LAMA2: variants seen among roughly 807,000 people sequenced by gnomAD.
LAMA2 encodes laminin subunit alpha 2, also known as laminin subunit alpha-2.
Under a neutral mutation model 364.8 loss-of-function variants are expected in LAMA2, and 269 were observed. That is an observed-to-expected ratio of 0.74 (90% confidence interval 0.67 to 0.82). The LOEUF is 0.82. LAMA2 is among the 40% of genes least tolerant of loss of function. LAMA2 has a pLI of 0.00. For missense variants in LAMA2, 3,807 were observed against 3,873.2 expected (o/e 0.98, Z 0.45); for synonymous variants, 1,379 against 1,370.6 (o/e 1.01, Z -0.14).
At chr6:129,285,907 T>A (rs926258845) in intron 18 of LAMA2, among the ~76,000 whole-genome samples, 4 of 152,126 alleles carry the variant, frequency 2.6e-5, no homozygotes, top group Admixed American at 6.6e-5. Flanking sequence ...ATAAAATCTT[T>A]TGTGAATATA....
At chr6:129,451,724 T>C (rs1430070459) in intron 45 of LAMA2, among the ~76,000 whole-genome samples, 1 of 152,214 alleles carries the variant, frequency 6.6e-6, no homozygotes, top group African/African-American at 2.4e-5. Context: ...CCTTCTCTTT[T>C]GAATCCAACC....
Position 129,144,039 on chromosome 6 carries a change from C to G in LAMA2, c.778C>G (p.His260Asp). The G allele has an allele frequency of 6.2e-7, 1 of 1,612,546 alleles. No homozygotes were observed. The highest frequency in any genetic ancestry group is 8.5e-7 in the Non-Finnish European group (1 of 1,179,006). ...TLNADLMMFAHKDPREIDPIV... is the reference protein window; with the variant it reads ...TLNADLMMFADKDPREIDPIV... ...GAATGCTGACTTGATGATGTTTGCTCACAAAGACCCAAGAGAAATTGACCC... is the reference window on the plus strand; with the variant it reads ...GAATGCTGACTTGATGATGTTTGCTGACAAAGACCCAAGAGAAATTGACCC... Residue 260 changes from histidine (H) to aspartate (D), a missense_variant, in exon 5 of 65, where the codon CAC becomes GAC. Physicochemically the swap from His to Asp is moderately conservative, Grantham distance 81. This residue lies in a region of LAMA2 where 394 missense variants were observed against 403.5 expected (regional missense o/e 0.98). Coordinates refer to ENST00000421865, the MANE Select transcript of LAMA2 (RefSeq NM_000426.4).
chr6:128,982,106 A>C (rs904970554), intron 1 of LAMA2, among the ~76,000 whole-genome samples: 1 of 152,218 alleles, frequency 6.6e-6, no homozygotes, highest in Non-Finnish European at 1.5e-5. Flanking sequence ...AAATTTTAAA[A>C]TACAGGAAAA....
Position 129,154,683 on chromosome 6 carries a change from G to C in LAMA2, c.1206G>C (p.Gly402=), listed in dbSNP as rs1167723109. 6.2e-7 allele frequency: 1 copy of C among 1,612,140 alleles called. No homozygotes were observed. The highest frequency in any genetic ancestry group is 1.7e-5 in the Admixed American group (1 of 59,990). Residue 402 remains glycine (G), a splice_region_variant and synonymous_variant, in exon 8 of 65, where the codon GGG becomes GGC. Coordinates refer to ENST00000421865, the MANE Select transcript of LAMA2 (RefSeq NM_000426.4). ...TCTDGFFRPK[G]VSPNYPRPCQ... ...CTGATGGCTTCTTCAGACCCAAAGGGGTAAAGTATGCTTTTTCTTTCATAA... is the reference window on the plus strand; with the variant it reads ...CTGATGGCTTCTTCAGACCCAAAGGCGTAAAGTATGCTTTTTCTTTCATAA...
chr6:129,455,411 C>G (rs1782908591), intron 47 of LAMA2, among the ~76,000 whole-genome samples: 1 of 152,102 alleles, frequency 6.6e-6, no homozygotes, highest in South Asian at 2.1e-4. Context: ...GACATTTATA[C>G]TCATAAAGTG....
chr6:129,226,987 T>G (rs2115115762), intron 12 of LAMA2, among the ~76,000 whole-genome samples: 1 of 152,332 alleles, frequency 6.6e-6, no homozygotes, highest in African/African-American at 2.4e-5. Flanking sequence ...ATAGATTTGG[T>G]CTTTTCACAT....
chr6:129,346,435 C>T (rs149948224), intron 30 of LAMA2, among the ~76,000 whole-genome samples: 49 of 152,268 alleles, frequency 3.2e-4, no homozygotes, highest in African/African-American at 9.4e-4. Flanking sequence ...TTATATACAA[C>T]GAACACATTT....
chr6:128,896,087 T>G lies in LAMA2; in HGVS notation c.112+12730T>G, dbSNP rs564160618. 2.6e-5 allele frequency among the ~76,000 whole-genome samples: 4 copies of G among 152,282 alleles called. No homozygotes were observed. The South Asian group carries it at 8.3e-4, about 32-fold the overall frequency. Reference sequence around the variant, plus strand: ...ATTTCAGATGTATAGATATATTGCTTATCAAACACTGATGGGTCTGAACAT... The same window carrying G: ...ATTTCAGATGTATAGATATATTGCTGATCAAACACTGATGGGTCTGAACAT... On this transcript the variant is annotated intron_variant, in intron 1 of 64. Coordinates refer to ENST00000421865, the MANE Select transcript of LAMA2 (RefSeq NM_000426.4).
In LAMA2 at chr6:129,316,828, C is replaced by T. The variant is rs74699009; in HGVS notation, c.4058+657C>T. On this transcript the variant is annotated intron_variant, in intron 27 of 64. Transcript: ENST00000421865. ...ACCACACTGGTAACATTCATGATAC[C>T]GGTCTCAGTGTCCTGGGGCAGAATT... is the stretch of plus-strand genomic sequence containing the variant. Among the ~76,000 whole-genome samples, 432 of 152,188 alleles carry T rather than the reference C, an allele frequency of 2.8e-3. 4 individuals carry two copies. The highest frequency in any genetic ancestry group is 9.4e-3 in the African/African-American group (390 of 41,528).
At chr6:128,934,446 AT>A (rs1779687691) in intron 1 of LAMA2, among the ~76,000 whole-genome samples, 1 of 152,012 alleles carries the variant, frequency 6.6e-6, no homozygotes, top group South Asian at 2.1e-4. Context: ...AATTTTAATT[AT>A]TAAAATTCTT....
intron 58 of LAMA2, among the ~76,000 whole-genome samples, chr6:129,493,962 A>C (rs925563419): frequency 6.6e-6 from 1 of 152,198 alleles, no homozygotes; most frequent in African/African-American, 2.4e-5. Context: ...GAGCTCCTCT[A>C]TGCATCAAGC....
chr6:129,082,348 T>C (rs147346665), intron 3 of LAMA2, among the ~76,000 whole-genome samples: 1 of 152,106 alleles, frequency 6.6e-6, no homozygotes, highest in East Asian at 1.9e-4. Flanking sequence ...ATATTACAGA[T>C]GTTATTCCCT....
chr6:128,984,493 T>C (rs1021197323), intron 1 of LAMA2, among the ~76,000 whole-genome samples: 3 of 152,158 alleles, frequency 2.0e-5, no homozygotes, highest in East Asian at 1.9e-4. Context: ...TTTCTCTTTT[T>C]CTCTGTTCAA....
chr6:128,883,401 C>A, intron 1 of LAMA2, 44 bp downstream of exon 1: 1 of 1,551,226 alleles, frequency 6.4e-7, no homozygotes, highest in South Asian at 1.2e-5. Context: ...TTGCCGGGAC[C>A]GAGATTCCTC....
chr6:129,060,549 G>A (rs950880199), intron 3 of LAMA2, among the ~76,000 whole-genome samples: 1 of 152,182 alleles, frequency 6.6e-6, no homozygotes, highest in African/African-American at 2.4e-5. Context: ...ATTTAGGCTT[G>A]CAATTAGGAT....
At chr6:129,293,780 A>G (rs1442329044) in intron 20 of LAMA2, among the ~76,000 whole-genome samples, 1 of 152,170 alleles carries the variant, frequency 6.6e-6, no homozygotes, top group Non-Finnish European at 1.5e-5. Context: ...GGCATAGAAG[A>G]AGGAGAGATG....
intron 6 of LAMA2, among the ~76,000 whole-genome samples, chr6:129,148,566 C>T (rs958479159): frequency 6.6e-6 from 1 of 152,014 alleles, no homozygotes; most frequent in Non-Finnish European, 1.5e-5. Flanking sequence ...TTCTGGTTTA[C>T]CTGCACCCCT....
At chr6:129,314,398 C>CTAAAAAAAAAAAAAA (rs528277448) in intron 23 of LAMA2, among the ~76,000 whole-genome samples, 1 of 81,890 alleles carries the variant, frequency 1.2e-5, no homozygotes, top group African/African-American at 5.5e-5. Context: ...GACTCCGTCT[C>CTAAAAAAAAAAAAAA]AAAAAAAAAA....
intron 58 of LAMA2, among the ~76,000 whole-genome samples, chr6:129,495,825 T>A (rs1400516993): frequency 6.6e-6 from 1 of 152,118 alleles, no homozygotes; most frequent in East Asian, 1.9e-4. Flanking sequence ...TTTACTCATT[T>A]AAGGTTCTTT....
Sources: allele counts gnomAD v4.1 joint callset (sites outside exome capture counted in the v4.1 genomes callset), GRCh38; gene constraint gnomAD v4.1.1; regional missense constraint gnomAD v4.1.1; transcripts MANE v1.5; gene names NCBI Gene and HGNC (gene_info 2026-07-23, HGNC 2026-07-21).